Variants in AP4B1 observed in about 807,000 individuals in gnomAD.
AP4B1 encodes AP-4 complex subunit beta-1.
Under a neutral mutation model 76.5 loss-of-function variants are expected in AP4B1, and 49 were observed. The ratio of observed to expected loss-of-function variants is 0.64; its 90% CI spans 0.51 to 0.81. The LOEUF is 0.81. AP4B1 is among the 40% of genes least tolerant of loss of function. The probability of loss-of-function intolerance (pLI) is 0.00; values close to 1 mark genes in which losing one functional copy is unlikely to be tolerated. For missense variants in AP4B1, 911 were observed against 904.9 expected (o/e 1.01, Z -0.09); for synonymous variants, 330 against 333.3 (o/e 0.99, Z 0.11).
chr1:113,896,553 G>A (rs935880017), intron 7 of AP4B1, 88 bp from the exon 8 acceptor site: 14 of 1,254,242 alleles, frequency 1.1e-5, no homozygotes, highest in African/African-American at 7.4e-5. Context: ...TTTGCTTTTC[G>A]CTTAGTGCCA....
Position 113,901,250 on chromosome 1 carries a change from G to T in AP4B1, c.603C>A (p.His201Gln), listed in dbSNP as rs1433410225. Reference protein sequence around the residue: ...GGVVINKPIAHHLLNRMSKLD... With the variant: ...GGVVINKPIAQHLLNRMSKLD... ...GGCATCCAAACCGATTTAAGAGATG[G>T]TGAGCAATGGGCTTATTGATGACAA... The change falls in exon 4 of 10, where the codon CAC becomes CAA. Residue 201 changes from histidine (H) to glutamine (Q), a missense_variant. Coordinates refer to ENST00000369569, the MANE Select transcript of AP4B1 (RefSeq NM_001253852.3). 1.2e-6 allele frequency: 2 copies of T among 1,614,154 alleles called. No homozygotes were observed. The highest frequency in any genetic ancestry group is 3.3e-5 in the Admixed American group (2 of 60,018).
Position 113,899,935 on chromosome 1 carries a change from C to T in AP4B1, c.1083G>A (p.Ala361=), listed in dbSNP as rs779410503. 4.5e-5 allele frequency: 73 copies of T among 1,614,038 alleles called. No homozygotes were observed. The highest frequency in any genetic ancestry group is 2.2e-4 in the South Asian group (20 of 91,084). ...ELRGYCTDVS[A]DFAQAAIFAI... ...CAAAGATGGCAGCCTGTGCAAAGTC[C>T]GCAGACACATCCGTGCAGTACCCTC... The change falls in exon 5 of 10, where the codon GCG becomes GCA. Residue 361 remains alanine, a synonymous_variant. Transcript: ENST00000369569.
chr1:113,902,608 T>C (rs781214868), intron 2 of AP4B1, 30 bp downstream of exon 2: 17 of 1,603,346 alleles, frequency 1.1e-5, no homozygotes, highest in Non-Finnish European at 1.4e-5. Flanking sequence ...CATCAGCCAT[T>C]TAGGACCAGA....
chr1:113,894,821 C>G lies in AP4B1; in HGVS notation c.*244G>C. The G allele has an allele frequency of 2.1e-6, 1 of 482,114 alleles. No homozygotes were observed. Among genetic ancestry groups the G allele is most frequent in the Non-Finnish European group, 3.7e-6 (1 of 267,472 alleles). 29.9% of individuals were successfully genotyped at this position (482,114 alleles called of 1,614,324 possible). A position where few individuals can be genotyped will look rare whatever the true frequency, so the allele number is the denominator to read the frequency against. On this transcript the variant is annotated 3_prime_UTR_variant, in exon 10 of 10. Coordinates refer to ENST00000369569, the MANE Select transcript of AP4B1 (RefSeq NM_001253852.3). ...ATTAGGAAATAATCCAAATCCCATC[C>G]TCAACGCATCTCCTTACCAACATTA...
At position 113,900,334 on chromosome 1, in the gene AP4B1, G is replaced by A; in HGVS notation, c.684C>T (p.Arg228=). Residue 228 remains arginine, a synonymous_variant, in exon 5 of 10, where the codon CGC becomes CGT. Transcript: ENST00000369569. ...VLNFLLRYQP[R]SEEELFDILN... ...GAATGTCAAATAGTTCTTCCTCACTGCGGGGTTGGTAGCGTAGCAGAAAGT... is the reference window on the plus strand; with the variant it reads ...GAATGTCAAATAGTTCTTCCTCACTACGGGGTTGGTAGCGTAGCAGAAAGT... 1 of 1,610,862 alleles carries A rather than the reference G, an allele frequency of 6.2e-7. No individual in the cohort carries two copies.
intron 4 of AP4B1, chr1:113,901,028 A>G: frequency 1.6e-6 from 1 of 621,060 alleles, no homozygotes; most frequent in East Asian, 3.2e-5. Context: ...AATTGCTTGA[A>G]CCCAGGAGGC....
At chr1:113,896,502 T>C (rs768626771) in intron 7 of AP4B1, 37 bp from the exon 8 acceptor site, 14 of 1,602,344 alleles carry the variant, frequency 8.7e-6, no homozygotes, top group Non-Finnish European at 1.2e-5. Context: ...TGCTCAACAC[T>C]TGACTGTCTA....
Position 113,901,841 on chromosome 1 carries a change from C to T in AP4B1, c.383G>A (p.Gly128Asp). Residue 128 changes from glycine to aspartate, a missense_variant, in exon 3 of 10, where the codon GGT becomes GAT. Coordinates refer to ENST00000369569, the MANE Select transcript of AP4B1 (RefSeq NM_001253852.3). ...GACATATGAAGCCTTATCCCGCAGA[C>T]CATTGAGAATAGGCTGTTGTATATA... Reference protein sequence around the residue: ...QEYIQQPILNGLRDKASYVRR... With the variant: ...QEYIQQPILNDLRDKASYVRR... The T allele has an allele frequency of 6.2e-7, 1 of 1,614,152 alleles. No individual in the cohort carries two copies. The highest frequency in any genetic ancestry group is 8.5e-7 in the Non-Finnish European group (1 of 1,180,012).
upstream of AP4B1, chr1:113,905,021 G>A (rs1363774202): frequency 4.7e-6 from 2 of 423,892 alleles, no homozygotes; most frequent in Non-Finnish European, 4.4e-6. Flanking sequence ...CCAGCGCCGC[G>A]TCCGACTGAC....
rs11548071 is a variant in AP4B1, at chr1:113,904,700, G to A, written c.18C>T (p.Ser6=). The A allele has an allele frequency of 2.5e-6, 4 of 1,612,446 alleles. No homozygotes were observed. The highest frequency in any genetic ancestry group is 3.4e-6 in the Non-Finnish European group (4 of 1,179,996). The change falls in exon 1 of 10, where the codon TCC becomes TCT. Residue 6 remains serine, a synonymous_variant. Transcript: ENST00000369569. The part of the protein sequence containing the change: MPYLG[S]EDVVKELKKA... ...TCTTCAGCTCCTTCACCACGTCCTC[G>A]GAGCCAAGGTACGGCATCTTCCTAA...
Position 113,896,268 on chromosome 1 carries a change from A to C in AP4B1, c.1500T>G (p.Tyr500Ter), listed in dbSNP as rs757719361. 4 of 1,614,222 alleles carry C rather than the reference A, an allele frequency of 2.5e-6. No individual in the cohort carries two copies. In the South Asian group the frequency reaches 4.4e-5, roughly 18 times the overall value. ...ECQDMLGRLL[Y>*]YCIEEEKDMA... Reference sequence around the variant, plus strand: ...TTCTGAAAAACCCACCTATGCAGTAATACAACAAACGTCCTAGCATGTCCT... The same window carrying C: ...TTCTGAAAAACCCACCTATGCAGTACTACAACAAACGTCCTAGCATGTCCT... Residue 500 changes from tyrosine to a stop codon, truncating the protein, a stop_gained, in exon 8 of 10, where the codon TAT becomes TAG. Coordinates refer to ENST00000369569, the MANE Select transcript of AP4B1 (RefSeq NM_001253852.3). LOFTEE classifies it high-confidence loss of function.
In AP4B1 at chr1:113,901,900, C is replaced by G. The variant is rs529490243; in HGVS notation, c.339-15G>C. 6 of 1,613,924 alleles carry G rather than the reference C, an allele frequency of 3.7e-6. No homozygotes were observed. The African/African-American group carries it at 5.3e-5, about 14-fold the overall frequency. ...CACCAGGCATCCTAAGCAACACATC[C>G]TGGAGTTAGCCAGATTCTGAAATAC... On this transcript the variant is annotated splice_polypyrimidine_tract_variant and intron_variant, in intron 2 of 9. Transcript: ENST00000369569.
chr1:113,901,426 CAG>C, intron 3 of AP4B1, 43 bp from the exon 4 acceptor site: 1 of 1,598,148 alleles, frequency 6.3e-7, no homozygotes, highest in Non-Finnish European at 8.6e-7. Context: ...AGGAAAGCTT[CAG>C]AGTAACAAGG....
intron 2 of AP4B1, 36 bp downstream of exon 2, chr1:113,902,602 A>G (rs1308553177): frequency 6.3e-7 from 1 of 1,593,810 alleles, no homozygotes; most frequent in East Asian, 2.2e-5. Flanking sequence ...TGAATTCATC[A>G]GCCATTTAGG....
intron 4 of AP4B1, chr1:113,900,651 T>C (rs1668125850): frequency 1.9e-6 from 1 of 533,758 alleles, no homozygotes; most frequent in Non-Finnish European, 3.3e-6. Context: ...ATACACTGGG[T>C]CCAGGTTCCT....
At chr1:113,895,617 G>T (rs947795607) in intron 9 of AP4B1, 125 bp from the exon 10 acceptor site, 2 of 1,528,964 alleles carry the variant, frequency 1.3e-6, no homozygotes, top group African/African-American at 2.7e-5. Context: ...AATAACCAGT[G>T]ACGAACCTCT....
At chr1:113,899,001 T>C (rs545760323) in intron 5 of AP4B1, 200 bp from the exon 6 acceptor site, 3 of 1,039,212 alleles carry the variant, frequency 2.9e-6, no homozygotes, top group Admixed American at 3.3e-5. Flanking sequence ...TTTTTCTCAC[T>C]GACTACTAGA....
In AP4B1 at chr1:113,895,863, T is replaced by C. The variant is rs762667637; in HGVS notation, c.1686A>G (p.Thr562=). The C allele has an allele frequency of 1.9e-6, 3 of 1,614,190 alleles. No individual in the cohort carries two copies. Among genetic ancestry groups the C allele is most frequent in the Admixed American group, 1.7e-5 (1 of 60,024 alleles). The change falls in exon 9 of 10, where the codon ACA becomes ACG. Residue 562 remains threonine, a synonymous_variant. Coordinates refer to ENST00000369569, the MANE Select transcript of AP4B1 (RefSeq NM_001253852.3). ...GGGCTTTGCCATACACTGGCACCAGTGTGTTGAAGTCTGAGGCCCAGCTAT... is the reference window on the plus strand; with the variant it reads ...GGGCTTTGCCATACACTGGCACCAGCGTGTTGAAGTCTGAGGCCCAGCTAT... The part of the protein sequence containing the change: ...PVNSWASDFN[T]LVPVYGKAHW...
intron 1 of AP4B1, among the ~76,000 whole-genome samples, chr1:113,903,326 A>G (rs1449205375): frequency 2.0e-5 from 3 of 152,240 alleles, no homozygotes; most frequent in Non-Finnish European, 4.4e-5. Context: ...TTGGCCTCCC[A>G]AAGTGCTGGG....
Sources: gnomAD v4.1 joint callset for allele counts (sites outside exome capture counted in the v4.1 genomes callset) on GRCh38, gnomAD v4.1.1 for gene constraint, MANE v1.5 for transcripts, NCBI Gene and HGNC (gene_info 2026-07-23, HGNC 2026-07-21) for gene names.